The following FOXJ3 variants were observed in gnomAD, a reference collection of about 807,000 sequenced individuals.
FOXJ3 encodes forkhead box protein J3.
Under a neutral mutation model 76.1 loss-of-function variants are expected in FOXJ3, and 22 were observed. The ratio of observed to expected loss-of-function variants is 0.29; its 90% CI spans 0.21 to 0.41. The LOEUF (loss-of-function observed/expected upper bound fraction) is 0.41. Among genes scored for constraint, FOXJ3 ranks in the 10% least tolerant of loss-of-function variants. FOXJ3 has a pLI of 1.00. For missense variants in FOXJ3, 613 were observed against 762.1 expected (o/e 0.80, Z 2.30); for synonymous variants, 269 against 261.2 (o/e 1.03, Z -0.29).
chr1:42,250,563 G>A (rs558506498), intron 4 of FOXJ3, among the ~76,000 whole-genome samples: 3 of 152,082 alleles, frequency 2.0e-5, no homozygotes, highest in South Asian at 4.1e-4. Context: ...AAGTCCAGTA[G>A]GCCGGGCACG....
chr1:42,307,543 C>G (rs984550803), intron 2 of FOXJ3, among the ~76,000 whole-genome samples: 1 of 152,162 alleles, frequency 6.6e-6, no homozygotes, highest in Non-Finnish European at 1.5e-5. Context: ...AGTATTATCT[C>G]TGTTCAAATA....
chr1:42,217,128 C>A (rs1401348651), intron 5 of FOXJ3, among the ~76,000 whole-genome samples: 2 of 152,116 alleles, frequency 1.3e-5, no homozygotes, highest in Non-Finnish European at 2.9e-5. Flanking sequence ...TCGCAAGAGG[C>A]ATCTTCAAAT....
chr1:42,250,296 C>CA (rs1314914825), intron 4 of FOXJ3, among the ~76,000 whole-genome samples: 1 of 152,168 alleles, frequency 6.6e-6, no homozygotes, highest in African/African-American at 2.4e-5. Context: ...CGGAAGGAAT[C>CA]ACATGAGACT....
At chr1:42,182,745 G>A (rs1416138353) in intron 11 of FOXJ3, among the ~76,000 whole-genome samples, 1 of 152,006 alleles carries the variant, frequency 6.6e-6, no homozygotes, top group Non-Finnish European at 1.5e-5. Context: ...TGATCCACCT[G>A]TCTCAGCCTC....
chr1:42,237,405 C>CAT (rs60560055), intron 4 of FOXJ3, among the ~76,000 whole-genome samples: 6,263 of 140,624 alleles, frequency 0.045, 155 homozygotes, highest in Non-Finnish European at 0.057. Context: ...TACATACATA[C>CAT]ATATATATAT....
chr1:42,231,327 A>G (rs1477352826), intron 4 of FOXJ3, among the ~76,000 whole-genome samples: 1 of 152,144 alleles, frequency 6.6e-6, no homozygotes, highest in Non-Finnish European at 1.5e-5. Context: ...CTCCATCTCC[A>G]AAAAAGAAAC....
At chr1:42,326,449 T>C (rs1655835716) in intron 1 of FOXJ3, among the ~76,000 whole-genome samples, 1 of 152,122 alleles carries the variant, frequency 6.6e-6, no homozygotes, top group African/African-American at 2.4e-5. Flanking sequence ...TATGCAGATA[T>C]AACTTCTCTA....
intron 5 of FOXJ3, among the ~76,000 whole-genome samples, chr1:42,215,019 T>A (rs1356522668): frequency 1.3e-5 from 2 of 152,222 alleles, no homozygotes; most frequent in Non-Finnish European, 2.9e-5. Flanking sequence ...CAGATATCAA[T>A]ATTCTATAGA....
intron 5 of FOXJ3, among the ~76,000 whole-genome samples, chr1:42,211,912 G>A (rs191112952): frequency 5.3e-5 from 8 of 152,270 alleles, no homozygotes; most frequent in African/African-American, 1.9e-4. Flanking sequence ...AGGGCCAGGG[G>A]AAGCTAAGAA....
chr1:42,203,621 G>A (rs1569852990), intron 6 of FOXJ3, among the ~76,000 whole-genome samples: 1 of 152,168 alleles, frequency 6.6e-6, no homozygotes, highest in East Asian at 1.9e-4. Flanking sequence ...GTTGAATTTT[G>A]GCTAGTGAAA....
At chr1:42,244,861 G>A (rs1649418253) in intron 4 of FOXJ3, among the ~76,000 whole-genome samples, 1 of 152,090 alleles carries the variant, frequency 6.6e-6, no homozygotes, top group African/African-American at 2.4e-5. Flanking sequence ...GAACAAACCA[G>A]TAACAAGCAA....
At chr1:42,286,516 G>A (rs940450341) in intron 2 of FOXJ3, among the ~76,000 whole-genome samples, 1 of 152,178 alleles carries the variant, frequency 6.6e-6, no homozygotes, top group Non-Finnish European at 1.5e-5. Context: ...AAGGACTGTT[G>A]TAAGATTAAA....
At position 42,179,786 on chromosome 1, in the gene FOXJ3, G is replaced by A. The variant is rs1461497420; in HGVS notation, c.1793C>T (p.Ser598Phe). 4 of 1,613,906 alleles carry A rather than the reference G, an allele frequency of 2.5e-6. No homozygotes were observed. The highest frequency in any genetic ancestry group is 3.4e-6 in the Non-Finnish European group (4 of 1,179,928). Reference protein sequence around the residue: ...RAMNQQHMMPSQAFQMRRSLP... With the variant: ...RAMNQQHMMPFQAFQMRRSLP... ...GGAACGCCGCATCTGGAAGGCTTGG[G>A]AAGGCATCATGTGCTGCTGGTTCAT... The change falls in exon 13 of 13, where the codon TCC (serine) becomes TTC (phenylalanine). Residue 598 changes from serine to phenylalanine, a missense_variant. This residue lies in a region of FOXJ3 where 526 missense variants were observed against 601.4 expected (regional missense o/e 0.87). Coordinates refer to ENST00000361346, the MANE Select transcript of FOXJ3 (RefSeq NM_014947.5).
At chr1:42,299,723 A>G (rs549459234) in intron 2 of FOXJ3, among the ~76,000 whole-genome samples, 2 of 152,226 alleles carry the variant, frequency 1.3e-5, no homozygotes, top group African/African-American at 4.8e-5. Context: ...CCTGGCCAAC[A>G]TGGCAAAACC....
intron 4 of FOXJ3, among the ~76,000 whole-genome samples, chr1:42,249,103 T>C (rs993512368): frequency 1.3e-5 from 2 of 152,180 alleles, no homozygotes; most frequent in Non-Finnish European, 2.9e-5. Context: ...TACGGCTGCA[T>C]AGTATTCCAT....
intron 3 of FOXJ3, among the ~76,000 whole-genome samples, chr1:42,277,280 C>G (rs999906203): frequency 6.6e-6 from 1 of 151,618 alleles, no homozygotes; most frequent in Non-Finnish European, 1.5e-5. Flanking sequence ...CCCATCTCTA[C>G]AGGAAATTTA....
At position 42,234,516 on chromosome 1, in the gene FOXJ3, C is replaced by T. The variant is rs546003774; in HGVS notation, c.445-6550G>A. 2.6e-5 allele frequency among the ~76,000 whole-genome samples: 4 copies of T among 152,158 alleles called. No homozygotes were observed. The South Asian group carries it at 6.2e-4, about 24-fold the overall frequency. ...TCCAGTTTTTCTCCTCTGTCTTTTC[C>T]CCATCTTTGTGGTTTTGTCTACCTT... On this transcript the variant is annotated intron_variant, in intron 4 of 12. Coordinates refer to ENST00000361346, the MANE Select transcript of FOXJ3 (RefSeq NM_014947.5).
At chr1:42,186,081 A>G (rs1043985855) in intron 11 of FOXJ3, among the ~76,000 whole-genome samples, 1 of 152,136 alleles carries the variant, frequency 6.6e-6, no homozygotes, top group South Asian at 2.1e-4. Flanking sequence ...TCTCCTCTTG[A>G]CTATACTTCT....
chr1:42,199,369 G>GC (rs1646714925), intron 6 of FOXJ3, 139 bp from the exon 7 acceptor site: 13 of 593,458 alleles, frequency 2.2e-5, no homozygotes, highest in Admixed American at 1.7e-4. Flanking sequence ...CCAATTCCAT[G>GC]CCCCATATGG....
Sources: allele counts gnomAD v4.1 joint callset (sites outside exome capture counted in the v4.1 genomes callset), GRCh38; gene constraint gnomAD v4.1.1; regional missense constraint gnomAD v4.1.1; transcripts MANE v1.5; gene names NCBI Gene and HGNC (gene_info 2026-07-23, HGNC 2026-07-21).